The following ASIC2 variants were observed in gnomAD, a reference collection of about 807,000 sequenced individuals.
ASIC2 encodes acid-sensing ion channel 2.
A neutral mutation model predicts 57.3 loss-of-function variants in ASIC2; 25 were observed. The ratio of observed to expected loss-of-function variants is 0.44; its 90% CI spans 0.32 to 0.61. The LOEUF (loss-of-function observed/expected upper bound fraction) is 0.61. Among genes scored for constraint, ASIC2 ranks in the 20% least tolerant of loss-of-function variants. The pLI is 0.06. For synonymous variants in ASIC2, 319 were observed against 307.5 expected (o/e 1.04, Z -0.39); for missense variants, 641 against 738.1 (o/e 0.87, Z 1.52).
At chr17:33,398,335 G>A (rs1473766379) in intron 1 of ASIC2, among the ~76,000 whole-genome samples, 3 of 152,162 alleles carry the variant, frequency 2.0e-5, no homozygotes, top group South Asian at 4.1e-4. Flanking sequence ...AAGAGCACGG[G>A]TTAACACAAT....
intron 1 of ASIC2, among the ~76,000 whole-genome samples, chr17:33,474,081 G>A (rs1913139434): frequency 6.6e-6 from 1 of 152,166 alleles, no homozygotes; most frequent in Admixed American, 6.5e-5. Context: ...AGAAACAGAT[G>A]GCATGCTGGA....
intron 3 of ASIC2, among the ~76,000 whole-genome samples, chr17:33,033,095 C>T (rs1012569599): frequency 2.0e-5 from 3 of 152,274 alleles, no homozygotes; most frequent in East Asian, 1.9e-4. Flanking sequence ...ATAGTGATAC[C>T]GATGGCAGTG....
chr17:34,074,848 C>G (rs527631545), intron 1 of ASIC2, among the ~76,000 whole-genome samples: 1 of 146,636 alleles, frequency 6.8e-6, no homozygotes, highest in African/African-American at 2.6e-5. Flanking sequence ...TGCAGTGACG[C>G]GATCTCGGCT....
At chr17:34,050,238 T>C (rs1159817233) in intron 1 of ASIC2, among the ~76,000 whole-genome samples, 1 of 152,174 alleles carries the variant, frequency 6.6e-6, no homozygotes, top group Non-Finnish European at 1.5e-5. Context: ...AATGTGTAAA[T>C]TGCAGCAGAG....
chr17:33,140,280 T>G (rs1375296088), intron 1 of ASIC2, among the ~76,000 whole-genome samples: 1 of 152,246 alleles, frequency 6.6e-6, no homozygotes, highest in Non-Finnish European at 1.5e-5. Flanking sequence ...AAGACTTGAT[T>G]TGTGCCTAGT....
intron 1 of ASIC2, among the ~76,000 whole-genome samples, chr17:33,817,340 C>T (rs1912613555): frequency 6.6e-6 from 1 of 152,110 alleles, no homozygotes; most frequent in Admixed American, 6.5e-5. Flanking sequence ...TGGGGGATCC[C>T]CCTACTGCCT....
chr17:33,787,338 G>C (rs954295716), intron 1 of ASIC2, among the ~76,000 whole-genome samples: 1 of 152,222 alleles, frequency 6.6e-6, no homozygotes, highest in African/African-American at 2.4e-5. Flanking sequence ...GCTGAAGAAG[G>C]TGTGTAACCT....
rs542470866 is a variant in ASIC2 at position 33,420,771 on chromosome 17, G to T, written c.556-308704C>A. 2.0e-5 allele frequency among the ~76,000 whole-genome samples: 3 copies of T among 152,236 alleles called. No homozygotes were observed. In the South Asian group the frequency reaches 6.2e-4, roughly 32 times the overall value. On this transcript the variant is annotated intron_variant, in intron 1 of 9. Transcript: ENST00000359872. Reference sequence around the variant, plus strand: ...GACTTCAAGCTACCAACACAGAATGGGAGTTGGGACGGGATGTGCATAAGG... The same window carrying T: ...GACTTCAAGCTACCAACACAGAATGTGAGTTGGGACGGGATGTGCATAAGG...
intron 1 of ASIC2, among the ~76,000 whole-genome samples, chr17:33,497,215 C>G (rs1485221646): frequency 6.6e-6 from 1 of 152,248 alleles, no homozygotes; most frequent in African/African-American, 2.4e-5. Flanking sequence ...GCTTCCCTAG[C>G]CTTCCTTAAA....
At chr17:33,426,413 T>G (rs1911222809) in intron 1 of ASIC2, among the ~76,000 whole-genome samples, 1 of 152,196 alleles carries the variant, frequency 6.6e-6, no homozygotes, top group Non-Finnish European at 1.5e-5. Flanking sequence ...AGGAGCCCAG[T>G]CATCCCTTTC....
intron 3 of ASIC2, among the ~76,000 whole-genome samples, chr17:33,070,227 G>C (rs2092062844): frequency 6.6e-6 from 1 of 151,834 alleles, no homozygotes; most frequent in African/African-American, 2.4e-5. Flanking sequence ...TTCATAATAT[G>C]TTGTTATTAT....
At chr17:33,151,943 G>T (rs1904818103) in intron 1 of ASIC2, among the ~76,000 whole-genome samples, 2 of 152,202 alleles carry the variant, frequency 1.3e-5, no homozygotes, top group Admixed American at 6.5e-5. Context: ...TGTAAGTAAA[G>T]TGCTTCATAT....
chr17:34,059,251 G>A (rs773711876), intron 1 of ASIC2, among the ~76,000 whole-genome samples: 10 of 152,240 alleles, frequency 6.6e-5, no homozygotes, highest in Admixed American at 1.3e-4. Context: ...GAGGTTGAAG[G>A]TCTGTTTGTG....
At chr17:34,084,427 A>G (rs949186226) in intron 1 of ASIC2, among the ~76,000 whole-genome samples, 1 of 152,248 alleles carries the variant, frequency 6.6e-6, no homozygotes, top group African/African-American at 2.4e-5. Flanking sequence ...TACCAGTACC[A>G]TGCTGTTTTG....
rs191903037 is a variant in ASIC2, at chr17:34,079,698, T to C, written c.555+76280A>G. 2.1e-3 allele frequency among the ~76,000 whole-genome samples: 323 copies of C among 152,216 alleles called. 1 individual carries two copies. The highest frequency in any genetic ancestry group is 7.1e-3 in the African/African-American group (295 of 41,532). ...TCATAGGGTTGGCACTAGAATGAGG[T>C]GAGTGAGCCACCCAGGGTGCAGAAT... is the stretch of plus-strand genomic sequence containing the variant. On this transcript the variant is annotated intron_variant, in intron 1 of 9. Coordinates refer to the ASIC2 transcript ENST00000359872.
chr17:33,464,666 T>TCC, intron 1 of ASIC2, among the ~76,000 whole-genome samples: 1 of 59,998 alleles, frequency 1.7e-5, no homozygotes, highest in Non-Finnish European at 4.0e-5. Context: ...CTTCTCTCTC[T>TCC]CTCCCTCTCT....
chr17:33,562,934 GGCA>G (rs1916120979), intron 1 of ASIC2, among the ~76,000 whole-genome samples: 1 of 152,134 alleles, frequency 6.6e-6, no homozygotes, highest in African/African-American at 2.4e-5. Flanking sequence ...TTAGTATTTA[GGCA>G]ACTTCCCTGC....
intron 1 of ASIC2, among the ~76,000 whole-genome samples, chr17:34,151,022 G>A (rs888169530): frequency 4.0e-5 from 6 of 149,144 alleles, no homozygotes; most frequent in African/African-American, 1.5e-4. Context: ...AGAATCGCTT[G>A]AACCTGAGAG....
chr17:33,435,080 T>G (rs1911560851), intron 1 of ASIC2, among the ~76,000 whole-genome samples: 1 of 152,192 alleles, frequency 6.6e-6, no homozygotes, highest in African/African-American at 2.4e-5. Flanking sequence ...ACAGACATAC[T>G]AGGAAAGAGA....
Sources: allele counts gnomAD v4.1 joint callset (sites outside exome capture counted in the v4.1 genomes callset), GRCh38; gene constraint gnomAD v4.1.1; transcripts MANE v1.5; gene names NCBI Gene and HGNC (gene_info 2026-07-23, HGNC 2026-07-21).